HCN1: variants seen among roughly 807,000 people sequenced by gnomAD.
HCN1 encodes hyperpolarization activated cyclic nucleotide gated potassium channel 1.
A neutral mutation model predicts 78.9 loss-of-function variants in HCN1; 13 were observed. The observed-to-expected ratio is 0.16, with a 90% CI of 0.11 to 0.26. HCN1 has a LOEUF of 0.26. Among genes scored for constraint, HCN1 ranks in the 10% least tolerant of loss-of-function variants. The probability of loss-of-function intolerance (pLI) is 1.00; values close to 1 mark genes in which losing one functional copy is unlikely to be tolerated. For missense variants in HCN1, 810 were observed against 1,154.3 expected (o/e 0.70, Z 4.32); for synonymous variants, 552 against 455.5 (o/e 1.21, Z -2.70).
At chr5:45,289,067 G>T (rs1227433493) in intron 6 of HCN1, among the ~76,000 whole-genome samples, 1 of 151,824 alleles carries the variant, frequency 6.6e-6, no homozygotes, top group African/African-American at 2.4e-5. Context: ...GTTTTTGGGG[G>T]GCATTATACA....
intron 1 of HCN1, among the ~76,000 whole-genome samples, chr5:45,687,923 T>TAA (rs752876734): frequency 1.1e-3 from 163 of 152,286 alleles, no homozygotes; most frequent in Admixed American, 2.0e-3. Flanking sequence ...CCAAGCATCC[T>TAA]AATGTGAGCA....
chr5:45,532,784 GT>G (rs892764454), intron 2 of HCN1, among the ~76,000 whole-genome samples: 2 of 152,152 alleles, frequency 1.3e-5, no homozygotes, highest in African/African-American at 2.4e-5. Context: ...AGTATTCTGA[GT>G]TTTTTATAGA....
chr5:45,682,268 T>C (rs1580048381), intron 1 of HCN1, among the ~76,000 whole-genome samples: 2 of 116,296 alleles, frequency 1.7e-5, no homozygotes, highest in African/African-American at 3.7e-5. Context: ...TATATATATA[T>C]ATACATATAT....
chr5:45,277,541 C>G (rs942894034), intron 6 of HCN1, among the ~76,000 whole-genome samples: 1 of 151,958 alleles, frequency 6.6e-6, no homozygotes, highest in Non-Finnish European at 1.5e-5. Flanking sequence ...GTTTTGGGAA[C>G]AAATAAAGCA....
chr5:45,565,428 T>C (rs960821599), intron 2 of HCN1, among the ~76,000 whole-genome samples: 1 of 152,138 alleles, frequency 6.6e-6, no homozygotes, highest in Non-Finnish European at 1.5e-5. Context: ...GTTCCACCAT[T>C]AAACAATATT....
chr5:45,615,818 C>T (rs1449415036), intron 2 of HCN1, among the ~76,000 whole-genome samples: 1 of 151,756 alleles, frequency 6.6e-6, no homozygotes, highest in Non-Finnish European at 1.5e-5. Flanking sequence ...ATCTCATTTC[C>T]GTCCTCAAGA....
At chr5:45,654,711 G>A (rs1745735305) in intron 1 of HCN1, among the ~76,000 whole-genome samples, 1 of 152,100 alleles carries the variant, frequency 6.6e-6, no homozygotes, top group African/African-American at 2.4e-5. Flanking sequence ...TCAACTGAAT[G>A]ACTGTGAGTT....
chr5:45,536,584 C>A (rs1338792310), intron 2 of HCN1, among the ~76,000 whole-genome samples: 1 of 151,992 alleles, frequency 6.6e-6, no homozygotes, highest in Admixed American at 6.6e-5. Flanking sequence ...TCATTATATT[C>A]CTTTTTCCCA....
In HCN1 at chr5:45,502,118, T is replaced by C. The variant is rs191015990; in HGVS notation, c.850-40111A>G. ...GTTCAGAAGGATATAGCCTCACAAA[T>C]TAAAATCCAAATGCATAGAAAAGAA... On this transcript the variant is annotated intron_variant, in intron 2 of 7. Transcript: ENST00000303230. Among the ~76,000 whole-genome samples, 273 of 152,254 alleles carry C rather than the reference T, an allele frequency of 1.8e-3. 1 individual carries two copies. Among genetic ancestry groups the C allele is most frequent in the African/African-American group, 6.4e-3 (266 of 41,558 alleles).
At chr5:45,396,072 T>C (rs1408563491) in intron 4 of HCN1, among the ~76,000 whole-genome samples, 1 of 152,052 alleles carries the variant, frequency 6.6e-6, no homozygotes, top group Non-Finnish European at 1.5e-5. Flanking sequence ...ATTATGATTA[T>C]AGATGAGGGG....
At chr5:45,490,033 CAA>C (rs2111696232) in intron 2 of HCN1, among the ~76,000 whole-genome samples, 1 of 152,246 alleles carries the variant, frequency 6.6e-6, no homozygotes, top group African/African-American at 2.4e-5. Context: ...AACCTACTGA[CAA>C]TACTTTTTGG....
intron 2 of HCN1, among the ~76,000 whole-genome samples, chr5:45,565,841 T>C (rs1743697390): frequency 6.6e-6 from 1 of 152,126 alleles, no homozygotes; most frequent in Admixed American, 6.6e-5. Context: ...TAATTAAGTA[T>C]TCTATTTGTT....
intron 2 of HCN1, among the ~76,000 whole-genome samples, chr5:45,599,685 G>T (rs1744583926): frequency 6.6e-6 from 1 of 151,966 alleles, no homozygotes. Flanking sequence ...AATAATAGTC[G>T]AGTTGCTTTT....
intron 3 of HCN1, among the ~76,000 whole-genome samples, chr5:45,399,889 T>A (rs1047320362): frequency 1.3e-5 from 2 of 152,168 alleles, no homozygotes; most frequent in Admixed American, 1.3e-4. Context: ...ATTAGTTGTA[T>A]GTCATATTTT....
chr5:45,494,473 T>G (rs1561175532), intron 2 of HCN1, among the ~76,000 whole-genome samples: 2 of 151,892 alleles, frequency 1.3e-5, no homozygotes, highest in Admixed American at 6.6e-5. Context: ...TAAATTTGTT[T>G]GAGTTCATTG....
In HCN1 at chr5:45,649,779, A is replaced by C. The variant is rs183335615; in HGVS notation, c.426-4171T>G. ...ATAGCAAATGTTAAGAATATTTATT[A>C]ATTGGATTTTTAATGAAAACATACA... On this transcript the variant is annotated intron_variant, in intron 1 of 7. Transcript: ENST00000303230. 1.1e-4 allele frequency among the ~76,000 whole-genome samples: 16 copies of C among 152,202 alleles called. 1 individual carries two copies. In the East Asian group the frequency reaches 2.7e-3, roughly 26 times the overall value.
intron 2 of HCN1, among the ~76,000 whole-genome samples, chr5:45,641,296 C>T (rs1745450519): frequency 6.6e-6 from 1 of 152,152 alleles, no homozygotes; most frequent in Admixed American, 6.6e-5. Context: ...TCTGCATTAG[C>T]TCCCTATGGA....
intron 5 of HCN1, among the ~76,000 whole-genome samples, chr5:45,325,454 G>A (rs1170233712): frequency 6.6e-6 from 1 of 151,586 alleles, no homozygotes; most frequent in African/African-American, 2.4e-5. Flanking sequence ...TGTGGGTTTT[G>A]ATCAAAGTCA....
intron 1 of HCN1, among the ~76,000 whole-genome samples, chr5:45,659,736 A>T (rs1348898006): frequency 8.5e-6 from 1 of 117,352 alleles, no homozygotes; most frequent in East Asian, 2.8e-4. Context: ...AAATGAAGCG[A>T]GAAGGGAAGT....
Sources: allele counts gnomAD v4.1 joint callset (sites outside exome capture counted in the v4.1 genomes callset), GRCh38; gene constraint gnomAD v4.1.1; transcripts MANE v1.5; gene names NCBI Gene and HGNC (gene_info 2026-07-23, HGNC 2026-07-21).